The following NGEF variants were observed in gnomAD, a reference collection of about 807,000 sequenced individuals.
The protein encoded by NGEF is neuronal guanine nucleotide exchange factor.
A neutral mutation model predicts 80.9 loss-of-function variants in NGEF; 31 were observed. The ratio of observed to expected loss-of-function variants is 0.38; its 90% CI spans 0.29 to 0.52. NGEF has a LOEUF of 0.52. NGEF is among the 20% of genes least tolerant of loss of function. The pLI, the probability that NGEF is intolerant of heterozygous loss-of-function variation, is 0.84. For missense variants in NGEF, 709 were observed against 926.2 expected, an observed-to-expected ratio of 0.77 and a Z score of 3.04; for synonymous variants, 371 against 370.2, an observed-to-expected ratio of 1.00 and a Z score of -0.03.
intron 1 of NGEF, 71 bp from the exon 2 acceptor site, chr2:232,975,035 C>T (rs1694264249): frequency 1.4e-6 from 1 of 736,452 alleles, no homozygotes; most frequent in Non-Finnish European, 2.2e-6. Context: ...TGTGGAACTC[C>T]ACTCCCATTC....
At chr2:232,924,585 T>A (rs11679296) in intron 4 of NGEF, among the ~76,000 whole-genome samples, 1 of 152,014 alleles carries the variant, frequency 6.6e-6, no homozygotes, top group African/African-American at 2.4e-5. Flanking sequence ...CCCTTCCTGT[T>A]TCACACATGG....
chr2:232,920,574 G>C lies in NGEF; in HGVS notation c.538C>G (p.Gln180Glu). 6.6e-7 allele frequency: 1 copy of C among 1,516,560 alleles called. No individual in the cohort carries two copies. The highest frequency in any genetic ancestry group is 8.8e-7 in the Non-Finnish European group (1 of 1,131,766). The allele number at this position is 1,516,560 out of a possible 1,614,324, so 93.9% of individuals were successfully genotyped here. The change falls in exon 5 of 15, where the codon CAG becomes GAG. Residue 180 changes from glutamine (Q) to glutamate (E), a missense_variant. Transcript: ENST00000264051. ...AGAGTCGATTTATCTCGGTATTCCT[G>C]ATACAGGAGCCCTGAAATCAAAGAG... ...NLIEQIGLLY[Q>E]EYRDKSTLQE...
chr2:233,002,533 C>G (rs1410465587), intron 1 of NGEF, among the ~76,000 whole-genome samples: 1 of 152,012 alleles, frequency 6.6e-6, no homozygotes, highest in Non-Finnish European at 1.5e-5. Flanking sequence ...AAAAATTAGC[C>G]AGGGGTGGTG....
chr2:232,881,269 G>A lies in NGEF; in HGVS notation c.1838-19C>T, dbSNP rs367801005. 8.8e-6 allele frequency: 14 copies of A among 1,590,336 alleles called. No individual in the cohort carries two copies. The highest frequency in any genetic ancestry group is 6.7e-5 in the East Asian group (3 of 44,804). ...GGGCAGTCTGAGGGACAAGAGGCAC[G>A]GGCACATCCCCACCACCGCACTACC... On this transcript the variant is annotated intron_variant, in intron 13 of 14. Transcript: ENST00000264051.
At chr2:232,954,992 T>C (rs1321746611) in intron 3 of NGEF, among the ~76,000 whole-genome samples, 1 of 151,942 alleles carries the variant, frequency 6.6e-6, no homozygotes, top group African/African-American at 2.4e-5. Context: ...GATAACAGCT[T>C]ACTTTTTCTT....
rs35882284 is a variant in NGEF at position 232,942,792 on chromosome 2, C to CAA, written c.384-15608_384-15607dup. ...GAGGCTGAGGCAGGAGACTCCGTCT[C>CAA]AAAAAAAAAAAAAAAGAAAAGAAAA... On this transcript the variant is annotated intron_variant, in intron 3 of 14. Transcript: ENST00000264051. Among the ~76,000 whole-genome samples, 1,049 of 120,620 alleles carry CAA rather than the reference C, an allele frequency of 8.7e-3. 24 individuals carry two copies. Among genetic ancestry groups the CAA allele is most frequent in the Admixed American group, 0.055 (629 of 11,406 alleles). 79.1% of individuals were successfully genotyped at this position (120,620 alleles called of 152,430 possible).
At chr2:232,944,764 T>TATATATATATATATG (rs1553552753) in intron 3 of NGEF, among the ~76,000 whole-genome samples, 1 of 140,388 alleles carries the variant, frequency 7.1e-6, no homozygotes, top group Non-Finnish European at 1.5e-5. Flanking sequence ...TATATATATC[T>TATATATATATATATG]TTTTGGAGAT....
intron 3 of NGEF, among the ~76,000 whole-genome samples, chr2:232,930,281 T>G (rs1045199474): frequency 2.0e-5 from 3 of 151,204 alleles, no homozygotes; most frequent in African/African-American, 7.3e-5. Context: ...TAGCCCCATA[T>G]GATGCAAAGA....
In NGEF at chr2:232,892,718, C is replaced by T. The variant is rs1691921567; in HGVS notation, c.1142+180G>A. On this transcript the variant is annotated intron_variant, in intron 7 of 14. Transcript: ENST00000264051. This position sits in a 1 kb window ranked among gnomAD's most constrained non-coding sequence, Gnocchi z 4.0. ...CTAGTGACACCAATACACCCTAGAA[C>T]GTGCTGGGTTGGGACACTGTCACCA... Among the ~76,000 whole-genome samples, 1 of 152,306 alleles carries T rather than the reference C, an allele frequency of 6.6e-6. No homozygotes were observed. The highest frequency in any genetic ancestry group is 1.5e-5 in the Non-Finnish European group (1 of 68,024).
chr2:232,988,813 G>A (rs1574655631), intron 1 of NGEF, among the ~76,000 whole-genome samples: 1 of 152,282 alleles, frequency 6.6e-6, no homozygotes, highest in South Asian at 2.1e-4. Context: ...AATGGGAGAT[G>A]ATGCAGTTGT....
chr2:233,012,437 G>A (rs1041339287), intron 1 of NGEF, among the ~76,000 whole-genome samples: 3 of 152,238 alleles, frequency 2.0e-5, no homozygotes, highest in Admixed American at 2.0e-4. Context: ...AGGGCCTTCT[G>A]TCTTTCTGAA....
At chr2:232,897,960 C>G (rs772737202) in intron 5 of NGEF, among the ~76,000 whole-genome samples, 4 of 152,252 alleles carry the variant, frequency 2.6e-5, no homozygotes, top group Non-Finnish European at 5.9e-5. Flanking sequence ...AGCAAGCACA[C>G]AGCAGCGGGC....
intron 1 of NGEF, among the ~76,000 whole-genome samples, chr2:232,976,351 C>T (rs1426673870): frequency 6.6e-6 from 1 of 152,102 alleles, no homozygotes; most frequent in Non-Finnish European, 1.5e-5. Flanking sequence ...CCTTTCCCAC[C>T]GCACCACTCC....
Position 232,888,797 on chromosome 2 carries a change from AGT to A in NGEF, c.1273-692_1273-691del, listed in dbSNP as rs375663504. ...TGTTAACTTTGGTCTTCTCCATGAA[AGT>A]GTAAGAAAGAGTCTCTTCTCCAACT... is the stretch of plus-strand genomic sequence containing the variant. On this transcript the variant is annotated intron_variant, in intron 8 of 14. Transcript: ENST00000264051. 1.1e-4 allele frequency among the ~76,000 whole-genome samples: 16 copies of A among 152,370 alleles called. No homozygotes were observed. The East Asian group carries it at 3.1e-3, about 29-fold the overall frequency.
intron 1 of NGEF, among the ~76,000 whole-genome samples, chr2:232,983,697 T>A (rs1173395749): frequency 6.6e-6 from 1 of 152,172 alleles, no homozygotes; most frequent in East Asian, 1.9e-4. Flanking sequence ...TGGCCCACTG[T>A]GCCCCGGTCT....
chr2:232,993,161 A>ATG (rs1694696242), intron 1 of NGEF, among the ~76,000 whole-genome samples: 2 of 118,190 alleles, frequency 1.7e-5, no homozygotes, highest in South Asian at 2.4e-4. Context: ...GCAAATATAT[A>ATG]TATATTATAT....
At chr2:232,994,389 G>C (rs1417115900) in intron 1 of NGEF, among the ~76,000 whole-genome samples, 1 of 136,824 alleles carries the variant, frequency 7.3e-6, no homozygotes, top group African/African-American at 2.7e-5. Context: ...AAAAAAAAAA[G>C]ATATTAAAAA....
chr2:232,968,166 G>A (rs372972546), intron 3 of NGEF, among the ~76,000 whole-genome samples: 1 of 148,576 alleles, frequency 6.7e-6, no homozygotes, highest in Non-Finnish European at 1.5e-5. Context: ...TCTGCTTACC[G>A]CAATCTCTGC....
chr2:232,883,445 G>C lies in NGEF; in HGVS notation c.1623C>G (p.Asp541Glu). Residue 541 changes from aspartate (D) to glutamate (E), a missense_variant, in exon 12 of 15, where the codon GAC becomes GAG. Coordinates refer to ENST00000264051, the MANE Select transcript of NGEF (RefSeq NM_019850.3). ...QIPGDKYQVF[D>E]SAPRGLLRVE... is the part of the protein sequence containing the mutation. ...CACGCAGCAGTCCCCGCGGAGCTGA[G>C]TCAAATACCTGGTACTTGTCTCTGG... The C allele has an allele frequency of 6.2e-7, 1 of 1,605,416 alleles. No homozygotes were observed. Among genetic ancestry groups the C allele is most frequent in the South Asian group, 1.1e-5 (1 of 89,478 alleles).
Sources: allele counts gnomAD v4.1 joint callset (sites outside exome capture counted in the v4.1 genomes callset), GRCh38; gene constraint gnomAD v4.1.1; non-coding constraint Gnocchi (gnomAD v3.1); transcripts MANE v1.5; gene names NCBI Gene and HGNC (gene_info 2026-07-23, HGNC 2026-07-21).